PTPRD: variants seen among roughly 807,000 people sequenced by gnomAD.
PTPRD encodes protein tyrosine phosphatase receptor type D, also known as receptor-type tyrosine-protein phosphatase delta.
Under a neutral mutation model 214.5 loss-of-function variants are expected in PTPRD, and 34 were observed. The ratio of observed to expected loss-of-function variants is 0.16; its 90% CI spans 0.12 to 0.21. PTPRD has a LOEUF of 0.21. Ranked by LOEUF, PTPRD falls within the 10% of genes least tolerant of loss-of-function variation. The pLI is 1.00. For synonymous variants in PTPRD, 1,128 were observed against 845.7 expected (o/e 1.33, Z -5.79); for missense variants, 2,545 against 2,398.7 (o/e 1.06, Z -1.27).
intron 11 of PTPRD, among the ~76,000 whole-genome samples, chr9:8,892,761 G>A (rs930266894): frequency 5.3e-5 from 8 of 150,564 alleles, no homozygotes; most frequent in Non-Finnish European, 1.0e-4. Context: ...AAAGTTCTAC[G>A]GAAGCTCAGA....
chr9:10,581,281 A>G (rs1444115959), intron 2 of PTPRD, among the ~76,000 whole-genome samples: 2 of 152,224 alleles, frequency 1.3e-5, no homozygotes, highest in African/African-American at 4.8e-5. Flanking sequence ...TGTCAATCTT[A>G]AAAAGAACCA....
rs549083604 is a variant in PTPRD, at chr9:9,995,837, T to G, written c.-472+37881A>C. 4.6e-5 allele frequency among the ~76,000 whole-genome samples: 7 copies of G among 152,302 alleles called. No individual in the cohort carries two copies. In the East Asian group the frequency reaches 7.7e-4, roughly 17 times the overall value. On this transcript the variant is annotated intron_variant, in intron 4 of 45. Transcript: ENST00000381196. Reference sequence around the variant, plus strand: ...TATTTTTAGGTGGTAAAATGCTCTGTAAACCCACAATTCAATCCCCTATTA... The same window carrying G: ...TATTTTTAGGTGGTAAAATGCTCTGGAAACCCACAATTCAATCCCCTATTA...
chr9:10,093,599 T>A (rs116332870), intron 3 of PTPRD, among the ~76,000 whole-genome samples: 1 of 151,526 alleles, frequency 6.6e-6, no homozygotes, highest in African/African-American at 2.4e-5. Flanking sequence ...TGGGTATATA[T>A]CCAAAGGAAA....
At chr9:9,758,118 G>T (rs2098605923) in intron 6 of PTPRD, among the ~76,000 whole-genome samples, 1 of 141,244 alleles carries the variant, frequency 7.1e-6, no homozygotes, top group African/African-American at 2.7e-5. Context: ...TATTTGAACT[G>T]CTCAGTTCAC....
At chr9:10,345,692 CTT>C (rs1219447100) in intron 2 of PTPRD, among the ~76,000 whole-genome samples, 2 of 152,184 alleles carry the variant, frequency 1.3e-5, no homozygotes, top group Non-Finnish European at 2.9e-5. Flanking sequence ...GGTTCCAAGT[CTT>C]TGCTATTGTG....
At chr9:9,173,614 C>A (rs532974711) in intron 10 of PTPRD, among the ~76,000 whole-genome samples, 1 of 152,130 alleles carries the variant, frequency 6.6e-6, no homozygotes, top group Admixed American at 6.6e-5. Flanking sequence ...GTGTTGAATA[C>A]TGTACACCAT....
At chr9:9,588,166 A>C (rs890983775) in intron 7 of PTPRD, among the ~76,000 whole-genome samples, 2 of 151,958 alleles carry the variant, frequency 1.3e-5, no homozygotes, top group Admixed American at 6.6e-5. Flanking sequence ...CAGTGAAGCT[A>C]TGGGACCTGC....
intron 3 of PTPRD, among the ~76,000 whole-genome samples, chr9:10,125,869 T>A (rs760206253): frequency 6.6e-6 from 1 of 152,138 alleles, no homozygotes; most frequent in Non-Finnish European, 1.5e-5. Context: ...AATATGGATA[T>A]AGAGGTCAAT....
intron 10 of PTPRD, among the ~76,000 whole-genome samples, chr9:9,028,737 G>C (rs1476051787): frequency 6.6e-6 from 1 of 151,942 alleles, no homozygotes; most frequent in Non-Finnish European, 1.5e-5. Context: ...ATTACAGAAA[G>C]TAGCACATGG....
chr9:8,337,432 A>G (rs1848041114), intron 43 of PTPRD, among the ~76,000 whole-genome samples: 1 of 151,340 alleles, frequency 6.6e-6, no homozygotes, highest in South Asian at 2.1e-4. Context: ...GGGGAACATC[A>G]CACACTGGGG....
chr9:10,000,790 C>G (rs1483565844), intron 4 of PTPRD, among the ~76,000 whole-genome samples: 1 of 152,184 alleles, frequency 6.6e-6, no homozygotes, highest in Admixed American at 6.5e-5. Context: ...GATTCTCACC[C>G]TTTTCTTGTC....
chr9:9,345,613 G>C (rs567273799), intron 9 of PTPRD, among the ~76,000 whole-genome samples: 1 of 151,952 alleles, frequency 6.6e-6, no homozygotes, highest in African/African-American at 2.4e-5. Context: ...CTCCCCCAAG[G>C]TCATCCCATA....
At chr9:10,602,304 G>C (rs1055189701) in intron 2 of PTPRD, among the ~76,000 whole-genome samples, 3 of 151,710 alleles carry the variant, frequency 2.0e-5, no homozygotes, top group African/African-American at 7.3e-5. Context: ...ATATAACAAA[G>C]ACGTTTCTCT....
chr9:8,330,989 ACTATTTACTTG>A (rs1262218606), intron 44 of PTPRD, among the ~76,000 whole-genome samples: 2 of 152,150 alleles, frequency 1.3e-5, no homozygotes, highest in African/African-American at 2.4e-5. Flanking sequence ...GAATGTCTGA[ACTATTTACTTG>A]CTATTTATTT....
chr9:8,479,985 C>A (rs1177221860), intron 30 of PTPRD, among the ~76,000 whole-genome samples: 1 of 152,134 alleles, frequency 6.6e-6, no homozygotes, highest in African/African-American at 2.4e-5. Context: ...TGGGCTAAAA[C>A]TTGATATTTA....
chr9:8,416,950 A>T (rs2093981792), intron 35 of PTPRD, among the ~76,000 whole-genome samples: 1 of 152,088 alleles, frequency 6.6e-6, no homozygotes, highest in South Asian at 2.1e-4. Flanking sequence ...AAATGCAGAG[A>T]TTCCTGACTT....
At chr9:9,716,070 T>C (rs2097822103) in intron 7 of PTPRD, among the ~76,000 whole-genome samples, 2 of 151,706 alleles carry the variant, frequency 1.3e-5, no homozygotes, top group Non-Finnish European at 2.9e-5. Flanking sequence ...GATCTCATTG[T>C]TCAGTTCCCA....
intron 7 of PTPRD, among the ~76,000 whole-genome samples, chr9:9,630,693 T>C (rs2095563148): frequency 6.6e-6 from 1 of 152,186 alleles, no homozygotes; most frequent in African/African-American, 2.4e-5. Flanking sequence ...ATTCCCCTCT[T>C]ATATTCCAAA....
At chr9:10,350,536 C>T (rs1299820988) in intron 2 of PTPRD, among the ~76,000 whole-genome samples, 2 of 151,966 alleles carry the variant, frequency 1.3e-5, no homozygotes, top group African/African-American at 2.4e-5. Flanking sequence ...GTCATTTAAT[C>T]CTCATTACAA....
Sources: allele counts gnomAD v4.1 joint callset (sites outside exome capture counted in the v4.1 genomes callset), GRCh38; gene constraint gnomAD v4.1.1; transcripts MANE v1.5; gene names NCBI Gene and HGNC (gene_info 2026-07-23, HGNC 2026-07-21).